Variants in NTNG1 observed in about 807,000 individuals in gnomAD.
NTNG1 encodes netrin-G1.
In NTNG1, 16 loss-of-function variants were observed where a neutral mutation model predicts 54.0. That is an observed-to-expected ratio of 0.30 (90% CI 0.20 to 0.45). NTNG1 has a LOEUF of 0.45. Among genes scored for constraint, NTNG1 ranks in the 20% least tolerant of loss-of-function variants. The pLI, the probability that NTNG1 is intolerant of heterozygous loss-of-function variation, is 1.00. For synonymous variants in NTNG1, 255 were observed against 263.1 expected (o/e 0.97, Z 0.30); for missense variants, 530 against 678.7 (o/e 0.78, Z 2.43).
At chr1:107,329,148 G>A (rs904218578) in intron 3 of NTNG1, 3 of 152,110 alleles carry the variant, frequency 2.0e-5, no homozygotes, top group Non-Finnish European at 2.9e-5. Context: ...TTACCTCCAA[G>A]AAAGAAGCCT....
chr1:107,185,152 G>A (rs1190066456), intron 2 of NTNG1, among the ~76,000 whole-genome samples: 1 of 152,196 alleles, frequency 6.6e-6, no homozygotes, highest in Non-Finnish European at 1.5e-5. Context: ...GAGCTTCAAG[G>A]TGAGTCATAG....
intron 3 of NTNG1, among the ~76,000 whole-genome samples, chr1:107,332,545 G>A (rs1266067967): frequency 6.6e-6 from 1 of 151,974 alleles, no homozygotes; most frequent in Non-Finnish European, 1.5e-5. Flanking sequence ...TGCATCTTTG[G>A]AATGTCTTGC....
intron 6 of NTNG1, among the ~76,000 whole-genome samples, chr1:107,436,319 T>A (rs1675591048): frequency 1.3e-5 from 2 of 152,350 alleles, no homozygotes; most frequent in South Asian, 4.1e-4. Flanking sequence ...TTTACACTGA[T>A]GGCATATTGA....
intron 2 of NTNG1, among the ~76,000 whole-genome samples, chr1:107,221,084 GATTA>G (rs1296666753): frequency 1.3e-5 from 2 of 152,064 alleles, no homozygotes; most frequent in East Asian, 3.9e-4. Flanking sequence ...CTATTGTGTG[GATTA>G]ATTGAGTTAT....
intron 5 of NTNG1, among the ~76,000 whole-genome samples, chr1:107,411,097 G>A (rs1216317107): frequency 6.6e-6 from 1 of 152,106 alleles, no homozygotes; most frequent in African/African-American, 2.4e-5. Flanking sequence ...CCTGACTCTA[G>A]AGTATTTCCT....
At chr1:107,398,442 C>T (rs1239443445) in intron 4 of NTNG1, among the ~76,000 whole-genome samples, 1 of 152,140 alleles carries the variant, frequency 6.6e-6, no homozygotes, top group Non-Finnish European at 1.5e-5. Context: ...TGCTGGGAGT[C>T]ATTTGGCTTT....
At chr1:107,387,222 T>C (rs1192935370) in intron 3 of NTNG1, among the ~76,000 whole-genome samples, 2 of 152,202 alleles carry the variant, frequency 1.3e-5, no homozygotes, top group Non-Finnish European at 2.9e-5. Context: ...ATGCACCAAT[T>C]AGTAGATTTG....
chr1:107,476,572 C>A (rs752358538), intron 7 of NTNG1, among the ~76,000 whole-genome samples: 13 of 152,156 alleles, frequency 8.5e-5, no homozygotes, highest in Non-Finnish European at 1.9e-4. Flanking sequence ...CATCTAAATA[C>A]CCCAAACAGG....
intron 2 of NTNG1, among the ~76,000 whole-genome samples, chr1:107,282,048 T>G (rs1481009252): frequency 6.6e-6 from 1 of 152,166 alleles, no homozygotes; most frequent in Non-Finnish European, 1.5e-5. Flanking sequence ...GTGGACTTTT[T>G]GGAATAAGTT....
In NTNG1 at chr1:107,148,712, A is replaced by G; in HGVS notation, c.119A>G (p.Glu40Gly). 1 of 1,613,778 alleles carries G rather than the reference A, an allele frequency of 6.2e-7. No individual in the cohort carries two copies. The highest frequency in any genetic ancestry group is 8.5e-7 in the Non-Finnish European group (1 of 1,179,758). ...YDLCKTQIYT[E>G]EGKVWDYMAC... ...TTGTGTAAGACTCAGATTTACACGG[A>G]AGAAGGGAAAGTTTGGGATTACATG... Residue 40 changes from glutamate to glycine, a missense_variant, in exon 2 of 8, where the codon GAA (glutamate) becomes GGA (glycine). Coordinates refer to ENST00000370068, the MANE Select transcript of NTNG1 (RefSeq NM_001113226.3).
intron 2 of NTNG1, among the ~76,000 whole-genome samples, chr1:107,216,418 T>C (rs930062090): frequency 6.6e-6 from 1 of 152,216 alleles, no homozygotes; most frequent in African/African-American, 2.4e-5. Flanking sequence ...GTGATTTTTG[T>C]TTTTAATTCT....
At chr1:107,249,999 A>G (rs1662483831) in intron 2 of NTNG1, among the ~76,000 whole-genome samples, 2 of 152,176 alleles carry the variant, frequency 1.3e-5, no homozygotes, top group Admixed American at 1.3e-4. Flanking sequence ...TCTCCCATGC[A>G]GTGTAGGGGC....
Position 107,353,475 on chromosome 1 carries a change from C to T in NTNG1, c.887+28553C>T, listed in dbSNP as rs146271390. ...TCCCAATGACTTCCTAATTTCCATC[C>T]GAGACCTCCTCAGCCTAGACTTCAT... On this transcript the variant is annotated intron_variant, in intron 3 of 7. Transcript: ENST00000370068. Among the ~76,000 whole-genome samples, 903 of 152,206 alleles carry T rather than the reference C, an allele frequency of 5.9e-3. 12 individuals are homozygous for T. The highest frequency in any genetic ancestry group is 0.021 in the African/African-American group (859 of 41,514).
intron 2 of NTNG1, among the ~76,000 whole-genome samples, chr1:107,265,483 T>C (rs111243511): frequency 1.3e-5 from 2 of 152,182 alleles, no homozygotes; most frequent in Non-Finnish European, 2.9e-5. Context: ...ATTAACAGAA[T>C]ATAAGCACTG....
intron 2 of NTNG1, among the ~76,000 whole-genome samples, chr1:107,229,987 C>T (rs1054096196): frequency 2.0e-5 from 3 of 151,964 alleles, no homozygotes; most frequent in Non-Finnish European, 4.4e-5. Flanking sequence ...AAACACTGTT[C>T]TGTGGTTTCT....
At chr1:107,351,198 C>T (rs559993905) in intron 3 of NTNG1, among the ~76,000 whole-genome samples, 5 of 152,288 alleles carry the variant, frequency 3.3e-5, no homozygotes, top group African/African-American at 1.2e-4. Flanking sequence ...TTCTTAGCTT[C>T]TTCAAAATGT....
Position 107,309,462 on chromosome 1 carries a change from A to G in NTNG1, c.247-14820A>G, listed in dbSNP as rs575883404. 1.7e-3 allele frequency among the ~76,000 whole-genome samples: 266 copies of G among 152,320 alleles called. 1 individual carries two copies. Among genetic ancestry groups the G allele is most frequent in the Middle Eastern group, 6.8e-3 (2 of 294 alleles). ...AGCAGTTTCATATTTTGTTAAACAG[A>G]AGAATTAATTATAAAATAGTTTGTT... is the stretch of plus-strand genomic sequence containing the variant. On this transcript the variant is annotated intron_variant, in intron 2 of 7. Transcript: ENST00000370068.
At chr1:107,202,505 T>C (rs1658834133) in intron 2 of NTNG1, among the ~76,000 whole-genome samples, 1 of 151,816 alleles carries the variant, frequency 6.6e-6, no homozygotes, top group Non-Finnish European at 1.5e-5. Context: ...TTTTACCTTG[T>C]TTTCTAAGAC....
chr1:107,177,397 C>T (rs940144428), intron 2 of NTNG1, among the ~76,000 whole-genome samples: 2 of 151,754 alleles, frequency 1.3e-5, no homozygotes, highest in African/African-American at 2.4e-5. Context: ...TGCAGTGGCA[C>T]GATCTCAGCT....
Sources: allele counts gnomAD v4.1 joint callset (sites outside exome capture counted in the v4.1 genomes callset), GRCh38; gene constraint gnomAD v4.1.1; transcripts MANE v1.5; gene names NCBI Gene and HGNC (gene_info 2026-07-23, HGNC 2026-07-21).